The following ATXN7L1 variants were observed in gnomAD, a reference collection of about 807,000 sequenced individuals.
The protein encoded by ATXN7L1 is ataxin 7 like 1.
ATXN7L1 carries 15 observed loss-of-function variants against 70.8 expected under a neutral mutation model. That is an observed-to-expected ratio of 0.21 (90% CI 0.14 to 0.33). The LOEUF (loss-of-function observed/expected upper bound fraction) is 0.33, where lower values mean the gene tolerates loss of function less well. Ranked by LOEUF, ATXN7L1 falls within the 10% of genes least tolerant of loss-of-function variation. The pLI, the probability that ATXN7L1 is intolerant of heterozygous loss-of-function variation, is 1.00. For synonymous variants in ATXN7L1, 440 were observed against 445.1 expected (o/e 0.99, Z 0.14); for missense variants, 975 against 1,097.1 (o/e 0.89, Z 1.57).
At chr7:105,853,314 C>T (rs544903280) in intron 2 of ATXN7L1, among the ~76,000 whole-genome samples, 3 of 152,132 alleles carry the variant, frequency 2.0e-5, no homozygotes, top group Non-Finnish European at 2.9e-5. Flanking sequence ...TCTGGGAGGC[C>T]GAGGCGTGTA....
chr7:105,708,659 G>T (rs1013120841), intron 3 of ATXN7L1, among the ~76,000 whole-genome samples: 3 of 151,932 alleles, frequency 2.0e-5, no homozygotes, highest in African/African-American at 7.3e-5. Flanking sequence ...AATAAGTTCT[G>T]TTATAGAAAG....
intron 3 of ATXN7L1, among the ~76,000 whole-genome samples, chr7:105,764,313 A>C (rs1800957151): frequency 6.6e-6 from 1 of 151,894 alleles, no homozygotes; most frequent in South Asian, 2.1e-4. Flanking sequence ...AAAAAAAAAA[A>C]CCACAATGGA....
intron 4 of ATXN7L1, among the ~76,000 whole-genome samples, chr7:105,643,485 G>A (rs532750406): frequency 1.3e-5 from 2 of 152,342 alleles, no homozygotes; most frequent in East Asian, 1.9e-4. Flanking sequence ...AAGAGATACC[G>A]TTTGTCCCCT....
chr7:105,744,845 C>T (rs1222358765), intron 3 of ATXN7L1, among the ~76,000 whole-genome samples: 1 of 148,362 alleles, frequency 6.7e-6, no homozygotes, highest in African/African-American at 2.5e-5. Flanking sequence ...TCAAGCGATT[C>T]TCCTGCCTCA....
At chr7:105,715,193 C>T (rs1403329984) in intron 3 of ATXN7L1, among the ~76,000 whole-genome samples, 10 of 152,176 alleles carry the variant, frequency 6.6e-5, no homozygotes, top group Non-Finnish European at 8.8e-5. Flanking sequence ...AAAGAGATCA[C>T]GTGTGGGCTC....
intron 7 of ATXN7L1, among the ~76,000 whole-genome samples, chr7:105,627,467 C>T (rs73192175): frequency 0.087 from 13,222 of 151,314 alleles, 639 homozygotes; most frequent in Middle Eastern, 0.15. Context: ...AACTTGTGGC[C>T]TCAAATGATG....
At chr7:105,664,166 C>A (rs967993900) in intron 4 of ATXN7L1, among the ~76,000 whole-genome samples, 1 of 152,064 alleles carries the variant, frequency 6.6e-6, no homozygotes, top group African/African-American at 2.4e-5. Context: ...AATTAGTTGC[C>A]TCTGCTGGTG....
At chr7:105,675,644 C>T (rs1044802584) in intron 3 of ATXN7L1, among the ~76,000 whole-genome samples, 3 of 151,682 alleles carry the variant, frequency 2.0e-5, no homozygotes, top group Admixed American at 2.0e-4. Context: ...AAAAAAAAAG[C>T]ACTTGATAAA....
intron 8 of ATXN7L1, 126 bp downstream of exon 8, chr7:105,623,948 TA>T: frequency 3.6e-6 from 3 of 835,550 alleles, no homozygotes; most frequent in Non-Finnish European, 4.9e-6. Context: ...AAACTCATGG[TA>T]AGCCTTTTTG....
At chr7:105,741,343 G>C (rs1460906732) in intron 3 of ATXN7L1, among the ~76,000 whole-genome samples, 1 of 152,154 alleles carries the variant, frequency 6.6e-6, no homozygotes, top group Non-Finnish European at 1.5e-5. Context: ...CCAACAGAGA[G>C]TCTGTCACAC....
chr7:105,801,001 A>T (rs1467590373), intron 2 of ATXN7L1, among the ~76,000 whole-genome samples: 1 of 152,214 alleles, frequency 6.6e-6, no homozygotes, highest in African/African-American at 2.4e-5. Context: ...CTGAACTTGA[A>T]TTCTAGCACC....
At chr7:105,775,637 G>A (rs989771563) in intron 3 of ATXN7L1, among the ~76,000 whole-genome samples, 14 of 152,196 alleles carry the variant, frequency 9.2e-5, no homozygotes, top group African/African-American at 3.4e-4. Flanking sequence ...TCTTGAAAGA[G>A]TACAGTACAC....
rs556908221 is a variant in ATXN7L1 at position 105,763,491 on chromosome 7, T to C, written c.355+25113A>G. ...CTCAGGCCATGAGGCTGCCTCTTGT[T>C]TTTAAACCTGGGGGCATAATAACTT... On this transcript the variant is annotated intron_variant, in intron 3 of 11. Coordinates refer to ENST00000419735, the MANE Select transcript of ATXN7L1 (RefSeq NM_020725.2). Among the ~76,000 whole-genome samples the C allele has an allele frequency of 9.2e-5, 14 of 152,358 alleles. 1 individual carries two copies. The highest frequency in any genetic ancestry group is 2.9e-4 in the African/African-American group (12 of 41,584).
At chr7:105,722,056 T>C (rs1795246014) in intron 3 of ATXN7L1, among the ~76,000 whole-genome samples, 1 of 152,214 alleles carries the variant, frequency 6.6e-6, no homozygotes, top group African/African-American at 2.4e-5. Flanking sequence ...TCTAATTTAG[T>C]TGCCTGTCCC....
At chr7:105,746,396 A>T (rs1037360381) in intron 3 of ATXN7L1, among the ~76,000 whole-genome samples, 1 of 152,122 alleles carries the variant, frequency 6.6e-6, no homozygotes, top group African/African-American at 2.4e-5. Context: ...CTTTTCTCAC[A>T]TTCTTCACTC....
intron 3 of ATXN7L1, among the ~76,000 whole-genome samples, chr7:105,764,118 T>TGG (rs769999915): frequency 4.2e-4 from 64 of 152,232 alleles, no homozygotes; most frequent in Non-Finnish European, 7.5e-4. Flanking sequence ...CCTTCCAAAT[T>TGG]GCTGAGATTA....
chr7:105,870,185 G>A (rs1418389104), intron 2 of ATXN7L1, among the ~76,000 whole-genome samples: 1 of 151,608 alleles, frequency 6.6e-6, no homozygotes, highest in Non-Finnish European at 1.5e-5. Flanking sequence ...GGGAGCCTGA[G>A]GCAGGAGAAT....
intron 3 of ATXN7L1, among the ~76,000 whole-genome samples, chr7:105,784,254 G>A (rs1803939784): frequency 6.6e-6 from 1 of 152,132 alleles, no homozygotes; most frequent in Non-Finnish European, 1.5e-5. Flanking sequence ...GTAAGCCACT[G>A]CGCCCGGCCC....
intron 8 of ATXN7L1, among the ~76,000 whole-genome samples, chr7:105,623,377 C>G (rs149519952): frequency 6.6e-5 from 10 of 152,260 alleles, no homozygotes; most frequent in African/African-American, 2.4e-4. Context: ...CTCAAGTGCT[C>G]GTACGCAAAC....
Sources: gnomAD v4.1 joint callset for allele counts (sites outside exome capture counted in the v4.1 genomes callset) on GRCh38, gnomAD v4.1.1 for gene constraint, MANE v1.5 for transcripts, NCBI Gene and HGNC (gene_info 2026-07-23, HGNC 2026-07-21) for gene names.